The following LRRC49 variants were observed in gnomAD, a reference collection of about 807,000 sequenced individuals.
The protein encoded by LRRC49 is leucine rich repeat containing 49, also known as leucine-rich repeat-containing protein 49.
Under a neutral mutation model 83.3 loss-of-function variants are expected in LRRC49, and 50 were observed. That is an observed-to-expected ratio of 0.60 (90% CI 0.48 to 0.76). The LOEUF (loss-of-function observed/expected upper bound fraction) is 0.76, where lower values mean the gene tolerates loss of function less well. Among genes scored for constraint, LRRC49 ranks in the 30% least tolerant of loss-of-function variants. The pLI is 0.00. For synonymous variants in LRRC49, 286 were observed against 283.3 expected, an observed-to-expected ratio of 1.01 and a Z score of -0.10; for missense variants, 704 against 809.1, an observed-to-expected ratio of 0.87 and a Z score of 1.58.
chr15:70,947,492 A>G (rs1008820132), intron 8 of LRRC49, among the ~76,000 whole-genome samples: 1 of 152,230 alleles, frequency 6.6e-6, no homozygotes, highest in Non-Finnish European at 1.5e-5. Flanking sequence ...GAAACATGAA[A>G]AAAAAACCTT....
chr15:70,961,909 G>A (rs915843333), intron 8 of LRRC49, among the ~76,000 whole-genome samples: 1 of 152,192 alleles, frequency 6.6e-6, no homozygotes, highest in Non-Finnish European at 1.5e-5. Flanking sequence ...TCACTTAGGA[G>A]TTTAGAGGAT....
chr15:70,939,356 A>G (rs2035718870), intron 8 of LRRC49, among the ~76,000 whole-genome samples: 2 of 152,058 alleles, frequency 1.3e-5, no homozygotes, highest in Admixed American at 1.3e-4. Context: ...AAACAGAAAT[A>G]TTTTTCTGTG....
intron 7 of LRRC49, among the ~76,000 whole-genome samples, chr15:70,931,291 G>A (rs1387907932): frequency 6.6e-6 from 1 of 152,138 alleles, no homozygotes; most frequent in African/African-American, 2.4e-5. Context: ...CCAGTGAGTG[G>A]AGCAGTCAGA....
At chr15:71,025,718 AC>A (rs1161907361) in intron 14 of LRRC49, among the ~76,000 whole-genome samples, 9 of 151,562 alleles carry the variant, frequency 5.9e-5, no homozygotes, top group Non-Finnish European at 7.4e-5. Context: ...AAAAAAAAAA[AC>A]AGGGGTTGCA....
At chr15:70,914,608 A>T (rs78526273) in intron 6 of LRRC49, among the ~76,000 whole-genome samples, 4,467 of 152,296 alleles carry the variant, frequency 0.029, 220 homozygotes, top group African/African-American at 0.1. Flanking sequence ...AAGTAGAAAC[A>T]TCAAGACTTA....
chr15:70,921,594 G>A (rs148214060), intron 7 of LRRC49, among the ~76,000 whole-genome samples: 4 of 152,308 alleles, frequency 2.6e-5, no homozygotes, highest in Non-Finnish European at 5.9e-5. Context: ...CATGGAGTAA[G>A]ATGGCATTCA....
chr15:70,922,721 G>A (rs1045388523), intron 7 of LRRC49, among the ~76,000 whole-genome samples: 5 of 151,896 alleles, frequency 3.3e-5, no homozygotes, highest in Non-Finnish European at 5.9e-5. Context: ...TGGATACGCC[G>A]TTGTCCATGA....
chr15:70,904,773 G>C lies in LRRC49; in HGVS notation c.500+18G>C, dbSNP rs746502960. 1.9e-6 allele frequency: 3 copies of C among 1,574,066 alleles called. No homozygotes were observed. The highest frequency in any genetic ancestry group is 2.6e-6 in the Non-Finnish European group (3 of 1,146,918). On this transcript the variant is annotated intron_variant, in intron 5 of 15. Transcript: ENST00000260382. ...AAAAACAGGTATTCTTTGTAGAGCA[G>C]TTTTTGTAGCCTAATGTTATGTGTA...
At chr15:71,041,837 A>G (rs751677858) in intron 15 of LRRC49, among the ~76,000 whole-genome samples, 2 of 152,174 alleles carry the variant, frequency 1.3e-5, no homozygotes, top group Non-Finnish European at 2.9e-5. Context: ...GGCTAGCACT[A>G]TTAGATATTA....
chr15:70,962,172 G>T (rs917885966), intron 8 of LRRC49, among the ~76,000 whole-genome samples: 1 of 152,190 alleles, frequency 6.6e-6, no homozygotes, highest in African/African-American at 2.4e-5. Context: ...AGTAAATGGA[G>T]AGTTGATGGT....
chr15:70,886,698 A>G (rs1595981772), intron 2 of LRRC49, among the ~76,000 whole-genome samples: 1 of 151,940 alleles, frequency 6.6e-6, no homozygotes, highest in African/African-American at 2.4e-5. Flanking sequence ...AAACCCCATC[A>G]CTACTAAAAA....
At chr15:70,862,743 A>C (rs2032823472) in intron 1 of LRRC49, among the ~76,000 whole-genome samples, 2 of 152,066 alleles carry the variant, frequency 1.3e-5, no homozygotes, top group Non-Finnish European at 2.9e-5. Flanking sequence ...TTCAAGCCAT[A>C]TTTTTCAGGT....
intron 11 of LRRC49, among the ~76,000 whole-genome samples, chr15:70,995,532 A>G (rs933634857): frequency 2.2e-4 from 33 of 152,190 alleles, no homozygotes; most frequent in Non-Finnish European, 3.8e-4. Flanking sequence ...AGAACAAGGT[A>G]TGCTACCAGA....
At chr15:70,964,105 G>C (rs1163346790) in intron 9 of LRRC49, among the ~76,000 whole-genome samples, 173 bp downstream of exon 9, 1 of 152,062 alleles carries the variant, frequency 6.6e-6, no homozygotes, top group Non-Finnish European at 1.5e-5. Flanking sequence ...CCCATCCCAA[G>C]TTTAATTGAG....
intron 7 of LRRC49, among the ~76,000 whole-genome samples, chr15:70,932,511 A>G (rs1293817421): frequency 6.6e-6 from 1 of 152,120 alleles, no homozygotes; most frequent in African/African-American, 2.4e-5. Flanking sequence ...AAGCCTACAT[A>G]GTAAAAATGA....
intron 11 of LRRC49, among the ~76,000 whole-genome samples, chr15:71,002,648 T>A (rs548588154): frequency 1.3e-5 from 2 of 152,120 alleles, no homozygotes; most frequent in African/African-American, 4.8e-5. Flanking sequence ...TTCACACCTA[T>A]GAATGTTGTA....
chr15:70,993,340 G>T (rs984680639), intron 11 of LRRC49, among the ~76,000 whole-genome samples: 1 of 152,180 alleles, frequency 6.6e-6, no homozygotes, highest in African/African-American at 2.4e-5. Context: ...CAGGTGAGGT[G>T]ATGCCTCACC....
chr15:70,937,856 C>T (rs1315315441), intron 8 of LRRC49, among the ~76,000 whole-genome samples: 1 of 151,976 alleles, frequency 6.6e-6, no homozygotes, highest in Non-Finnish European at 1.5e-5. Context: ...TTTTCATATT[C>T]CTCTTAGTAT....
At chr15:70,892,775 G>A (rs2033637596), upstream of LRRC49, 1 of 1,598,576 alleles carries the variant, frequency 6.3e-7, no homozygotes, top group East Asian at 2.2e-5. Flanking sequence ...GGAAATGGTC[G>A]TTTCCATGGT....
Sources: allele counts gnomAD v4.1 joint callset (sites outside exome capture counted in the v4.1 genomes callset), GRCh38; gene constraint gnomAD v4.1.1; transcripts MANE v1.5; gene names NCBI Gene and HGNC (gene_info 2026-07-23, HGNC 2026-07-21).